C1GALT1: variants seen among roughly 807,000 people sequenced by gnomAD.
C1GALT1 encodes the protein glycoprotein-N-acetylgalactosamine 3-beta-galactosyltransferase 1.
Under a neutral mutation model 31.0 loss-of-function variants are expected in C1GALT1, and 11 were observed. The ratio of observed to expected loss-of-function variants is 0.36; its 90% CI spans 0.22 to 0.59. The LOEUF is 0.59. Among genes scored for constraint, C1GALT1 ranks in the 20% least tolerant of loss-of-function variants. The pLI, the probability that C1GALT1 is intolerant of heterozygous loss-of-function variation, is 0.79. For synonymous variants in C1GALT1, 175 were observed against 143.6 expected (o/e 1.22, Z -1.56); for missense variants, 424 against 425.2 (o/e 1.00, Z 0.03).
intron 1 of C1GALT1, among the ~76,000 whole-genome samples, chr7:7,228,519 T>G (rs1432262339): frequency 6.6e-6 from 1 of 152,096 alleles, no homozygotes; most frequent in Non-Finnish European, 1.5e-5. Context: ...ACCTCAACAC[T>G]CTTGTGGACA....
At chr7:7,229,655 A>T (rs1005294841) in intron 1 of C1GALT1, among the ~76,000 whole-genome samples, 2 of 152,126 alleles carry the variant, frequency 1.3e-5, no homozygotes, top group Non-Finnish European at 2.9e-5. Flanking sequence ...GACAATCGAG[A>T]TATTTAGAAT....
chr7:7,238,389 T>G lies in C1GALT1; in HGVS notation c.355T>G (p.Leu119Val), dbSNP rs1286547219. 1 of 1,613,982 alleles carries G rather than the reference T, an allele frequency of 6.2e-7. No individual in the cohort carries two copies. Among genetic ancestry groups the G allele is most frequent in the Non-Finnish European group, 8.5e-7 (1 of 1,179,998 alleles). ...TTGGGCCCAGCGTTGTAACAAAGTGTTGTTTATGAGTTCAGAAGAAAATAA... is the reference window on the plus strand; with the variant it reads ...TTGGGCCCAGCGTTGTAACAAAGTGGTGTTTATGAGTTCAGAAGAAAATAA... Reference protein sequence around the residue: ...ATWAQRCNKVLFMSSEENKDF... With the variant: ...ATWAQRCNKVVFMSSEENKDF... Residue 119 changes from leucine (L) to valine (V), a missense_variant, in exon 3 of 4, where the codon TTG (leucine) becomes GTG (valine). Coordinates refer to ENST00000436587, the MANE Select transcript of C1GALT1 (RefSeq NM_020156.5). This position sits in a 1 kb window ranked among gnomAD's most constrained non-coding sequence, Gnocchi z 5.2.
intron 1 of C1GALT1, among the ~76,000 whole-genome samples, chr7:7,183,267 G>A (rs1297907898): frequency 6.6e-6 from 1 of 151,804 alleles, no homozygotes; most frequent in African/African-American, 2.4e-5. Flanking sequence ...GGGTCCCGCC[G>A]GACTGGGCGC....
intron 2 of C1GALT1, among the ~76,000 whole-genome samples, chr7:7,159,452 G>C (rs569933213): frequency 6.6e-6 from 1 of 152,148 alleles, no homozygotes; most frequent in African/African-American, 2.4e-5. Flanking sequence ...GGAGGAAATA[G>C]AGTGGAACAG....
chr7:7,182,892 G>T (rs1387386132), intron 1 of C1GALT1, 72 bp downstream of exon 1: 17 of 967,030 alleles, frequency 1.8e-5, no homozygotes, highest in Non-Finnish European at 2.1e-5. Context: ...CCCCTCTCCG[G>T]GTTGGTGGGG....
chr7:7,215,784 G>T (rs1782208174), intron 1 of C1GALT1, among the ~76,000 whole-genome samples: 1 of 152,014 alleles, frequency 6.6e-6, no homozygotes. Flanking sequence ...GTGAGGGCTT[G>T]AGTTAGCAGC....
At chr7:7,195,967 G>A (rs943133262) in intron 1 of C1GALT1, among the ~76,000 whole-genome samples, 6 of 152,012 alleles carry the variant, frequency 3.9e-5, no homozygotes, top group Admixed American at 1.3e-4. Context: ...AGTCTGTTTC[G>A]TCTGAAACAA....
intron 1 of C1GALT1, among the ~76,000 whole-genome samples, chr7:7,226,052 G>A (rs1299746990): frequency 6.6e-6 from 1 of 152,096 alleles, no homozygotes; most frequent in African/African-American, 2.4e-5. Context: ...TTCTTCATCT[G>A]TAATATGAAA....
At chr7:7,198,196 A>G (rs1486403060) in intron 1 of C1GALT1, among the ~76,000 whole-genome samples, 1 of 152,198 alleles carries the variant, frequency 6.6e-6, no homozygotes, top group African/African-American at 2.4e-5. Flanking sequence ...TATTATTTTA[A>G]GATATGTCCC....
intron 2 of C1GALT1, among the ~76,000 whole-genome samples, chr7:7,173,394 T>C (rs576724336): frequency 1.3e-5 from 2 of 152,208 alleles, no homozygotes; most frequent in African/African-American, 2.4e-5. Flanking sequence ...TGCAGAACCA[T>C]GAGCCAGTTA....
At chr7:7,240,848 C>G (rs531322845) in intron 3 of C1GALT1, among the ~76,000 whole-genome samples, 3 of 152,020 alleles carry the variant, frequency 2.0e-5, no homozygotes, top group Non-Finnish European at 4.4e-5. Context: ...TTTCTTCCCC[C>G]TAAATGAGTT....
chr7:7,185,595 ACT>A (rs1228326710), intron 1 of C1GALT1, among the ~76,000 whole-genome samples: 1 of 152,018 alleles, frequency 6.6e-6, no homozygotes, highest in Non-Finnish European at 1.5e-5. Context: ...CCAGTCTGTG[ACT>A]CTGTTATCAC....
At chr7:7,234,033 C>A (rs1470918472) in intron 1 of C1GALT1, among the ~76,000 whole-genome samples, 2 of 152,074 alleles carry the variant, frequency 1.3e-5, no homozygotes, top group African/African-American at 4.8e-5. Flanking sequence ...CACAAAGGAT[C>A]CTGGTGGGAA....
chr7:7,190,275 G>C (rs577914893), intron 1 of C1GALT1, among the ~76,000 whole-genome samples: 6 of 152,052 alleles, frequency 3.9e-5, no homozygotes, highest in African/African-American at 1.4e-4. Flanking sequence ...ATCAGGCCTG[G>C]GCTGAGAAGC....
intron 1 of C1GALT1, among the ~76,000 whole-genome samples, chr7:7,188,745 C>T (rs992232045): frequency 6.7e-6 from 1 of 150,354 alleles, no homozygotes; most frequent in Non-Finnish European, 1.5e-5. Context: ...GAAAATATTT[C>T]GGTACATTGT....
intron 1 of C1GALT1, among the ~76,000 whole-genome samples, chr7:7,190,275 G>A (rs577914893): frequency 2.6e-5 from 4 of 152,052 alleles, no homozygotes; most frequent in Non-Finnish European, 5.9e-5. Context: ...ATCAGGCCTG[G>A]GCTGAGAAGC....
intron 1 of C1GALT1, among the ~76,000 whole-genome samples, chr7:7,188,848 A>G (rs1207056181): frequency 6.6e-6 from 1 of 152,200 alleles, no homozygotes; most frequent in Non-Finnish European, 1.5e-5. Context: ...TAAAGTGCAG[A>G]CTAACCGATA....
chr7:7,179,567 T>C (rs571188866), upstream of C1GALT1, among the ~76,000 whole-genome samples: 1 of 152,346 alleles, frequency 6.6e-6, no homozygotes, highest in African/African-American at 2.4e-5. Context: ...AAAAATTCTA[T>C]ATATAGTGCT....
intron 1 of C1GALT1, among the ~76,000 whole-genome samples, chr7:7,190,813 A>G (rs182532565): frequency 2.4e-4 from 36 of 152,174 alleles, no homozygotes; most frequent in Non-Finnish European, 1.3e-4. Flanking sequence ...TCCCAGTTAC[A>G]CCCACATGTT....
Sources: gnomAD v4.1 joint callset for allele counts (sites outside exome capture counted in the v4.1 genomes callset) on GRCh38, gnomAD v4.1.1 for gene constraint, Gnocchi (gnomAD v3.1) non-coding constraint, MANE v1.5 for transcripts, NCBI Gene and HGNC (gene_info 2026-07-23, HGNC 2026-07-21) for gene names.